Variants in ALS2 observed in about 807,000 individuals in gnomAD.
ALS2 encodes alsin.
In ALS2, 117 loss-of-function variants were observed where a neutral mutation model predicts 203.4. The observed-to-expected ratio is 0.58, with a 90% CI of 0.50 to 0.67. The LOEUF (loss-of-function observed/expected upper bound fraction) is 0.67. Among genes scored for constraint, ALS2 ranks in the 30% least tolerant of loss-of-function variants. The pLI is 0.00. For synonymous variants in ALS2, 718 were observed against 725.9 expected, an observed-to-expected ratio of 0.99 and a Z score of 0.17; for missense variants, 1,715 against 1,989.4, an observed-to-expected ratio of 0.86 and a Z score of 2.62.
intron 20 of ALS2, among the ~76,000 whole-genome samples, chr2:201,724,853 C>T (rs1691049185): frequency 6.6e-6 from 1 of 152,066 alleles, no homozygotes; most frequent in South Asian, 2.1e-4. Flanking sequence ...GTGGCTCATG[C>T]CTGTAATCCC....
Position 201,724,353 on chromosome 2 carries a change from T to C in ALS2, c.3454A>G (p.Ile1152Val), listed in dbSNP as rs778414353. ...KLTSSSPSMF[I>V]GQWVMDKKAG... ...TTCTTATCCATTACCCACTGGCCAA[T>C]GAACATACTAGGAGAAGAGGACGTC... Residue 1152 changes from isoleucine (I) to valine (V), a missense_variant, in exon 21 of 34, where the codon ATT becomes GTT. Transcript: ENST00000264276. 2 of 1,614,060 alleles carry C rather than the reference T, an allele frequency of 1.2e-6. No individual in the cohort carries two copies. The highest frequency in any genetic ancestry group is 1.7e-6 in the Non-Finnish European group (2 of 1,179,948).
chr2:201,760,653 C>A, intron 4 of ALS2: 3 of 1,322,724 alleles, frequency 2.3e-6, no homozygotes, highest in South Asian at 4.9e-5. Flanking sequence ...TAAAACAAGC[C>A]CAACATGACA....
At chr2:201,763,058 C>T (rs903672534) in intron 3 of ALS2, 10 of 167,790 alleles carry the variant, frequency 6.0e-5, no homozygotes, top group African/African-American at 1.2e-4. Context: ...CAGAAGCAGA[C>T]GCGCACTGGC....
intron 1 of ALS2, 56 bp from the exon 2 acceptor site, chr2:201,769,001 T>C (rs1380704153): frequency 2.9e-5 from 23 of 801,416 alleles, no homozygotes. Context: ...CCCTCAGACA[T>C]TAAAAAAAAA....
chr2:201,760,526 AG>A lies in ALS2; in HGVS notation c.1113+354del, dbSNP rs1693697150. ...CTGAAGAGTGTTACAAACACAAGTAAGAAGAATCTTTGTGAATCTCTAGTTA... is the reference window on the plus strand; with the variant it reads ...CTGAAGAGTGTTACAAACACAAGTAAAAGAATCTTTGTGAATCTCTAGTTA... On this transcript the variant is annotated intron_variant, in intron 4 of 33. Coordinates refer to ENST00000264276, the MANE Select transcript of ALS2 (RefSeq NM_020919.4). 4.8e-6 allele frequency: 5 copies of A among 1,039,562 alleles called. No individual in the cohort carries two copies. The South Asian group carries it at 2.1e-4, about 44-fold the overall frequency. The allele number at this position is 1,039,562 out of a possible 1,614,324, so 64.4% of individuals were successfully genotyped here.
Position 201,744,154 on chromosome 2 carries a change from C to A in ALS2, c.2170+104G>T, listed in dbSNP as rs4673207. On this transcript the variant is annotated intron_variant, in intron 10 of 33. Transcript: ENST00000264276. Reference sequence around the variant, plus strand: ...ACACACACACAAAGACAGTGCATAGCAAGAAGTAAACCATAAACTAACAGG... The same window carrying A: ...ACACACACACAAAGACAGTGCATAGAAAGAAGTAAACCATAAACTAACAGG... 0.68 allele frequency: 886,069 copies of A among 1,296,466 alleles called. 314,679 individuals carry two copies. The highest frequency in any genetic ancestry group is 0.75 in the Admixed American group (43,068 of 57,170). 80.3% of individuals were successfully genotyped at this position (1,296,466 alleles called of 1,614,324 possible).
At chr2:201,703,864 A>G (rs1689529662) in intron 33 of ALS2, among the ~76,000 whole-genome samples, 2 of 152,230 alleles carry the variant, frequency 1.3e-5, no homozygotes, top group African/African-American at 4.8e-5. Flanking sequence ...ATATAAATGT[A>G]AACATTTATA....
Position 201,766,776 on chromosome 2 carries a change from G to A in ALS2, c.175+453C>T, listed in dbSNP as rs562296209. Among the ~76,000 whole-genome samples the A allele has an allele frequency of 7.3e-5, 5 of 68,836 alleles. 1 individual carries two copies. Among genetic ancestry groups the A allele is most frequent in the African/African-American group, 1.7e-4 (5 of 28,922 alleles). 45.2% of individuals were successfully genotyped at this position (68,836 alleles called of 152,430 possible). On this transcript the variant is annotated intron_variant, in intron 3 of 33. Coordinates refer to ENST00000264276, the MANE Select transcript of ALS2 (RefSeq NM_020919.4). Reference sequence around the variant, plus strand: ...ACTATGCAGCCATAAAAAATGATGAGTTCATGTCCTTTGTAGGGACATGGA... The same window carrying A: ...ACTATGCAGCCATAAAAAATGATGAATTCATGTCCTTTGTAGGGACATGGA...
At position 201,707,744 on chromosome 2, in the gene ALS2, C is replaced by T. The variant is rs1483199571; in HGVS notation, c.4403+125G>A. On this transcript the variant is annotated intron_variant, in intron 28 of 33. Transcript: ENST00000264276. ...GTGGCTGGCCCCAACCCTCCTGGCC[C>T]CAACCATATCATTTTAGAAATGAGG... 3 of 1,346,412 alleles carry T rather than the reference C, an allele frequency of 2.2e-6. No individual in the cohort carries two copies. In the East Asian group the frequency reaches 8.0e-5, roughly 36 times the overall value. The allele number at this position is 1,346,412 out of a possible 1,614,324, so 83.4% of individuals were successfully genotyped here.
At chr2:201,715,567 A>C (rs1690322894) in intron 25 of ALS2, 105 bp downstream of exon 25, 1 of 1,386,444 alleles carries the variant, frequency 7.2e-7, no homozygotes, top group Non-Finnish European at 1.0e-6. Context: ...AAGCGAAGTA[A>C]ATCATTAACT....
intron 10 of ALS2, among the ~76,000 whole-genome samples, chr2:201,742,364 C>A (rs1308724134): frequency 6.6e-6 from 1 of 152,196 alleles, no homozygotes; most frequent in African/African-American, 2.4e-5. Flanking sequence ...GAAGGCAATC[C>A]AAACATTGGA....
chr2:201,715,524 T>C (rs1227719973), intron 25 of ALS2, 148 bp downstream of exon 25: 1 of 888,678 alleles, frequency 1.1e-6, no homozygotes, highest in South Asian at 1.6e-5. Context: ...CAACAGAAGA[T>C]AAAGAAAGTG....
At chr2:201,722,983 TAA>T in intron 23 of ALS2, 58 bp downstream of exon 23, 1 of 1,293,934 alleles carries the variant, frequency 7.7e-7, no homozygotes. Context: ...ATTTTTAAAG[TAA>T]AAAAAAATTA....
chr2:201,723,049 A>G lies in ALS2; in HGVS notation c.3696T>C (p.Ser1232=). The change falls in exon 23 of 34, where the codon AGT becomes AGC. Residue 1232 remains serine, a synonymous_variant. Coordinates refer to ENST00000264276, the MANE Select transcript of ALS2 (RefSeq NM_020919.4). The part of the protein sequence containing the change: ...EGEFSDDWTL[S]GKGTLTMPNG... ...AAGAAAGCTAGTTTCCAACCTTTCC[A>G]CTAAGAGTCCAGTCATCTGAAAATT... 3 of 1,609,374 alleles carry G rather than the reference A, an allele frequency of 1.9e-6. No individual in the cohort carries two copies. Among genetic ancestry groups the G allele is most frequent in the African/African-American group, 2.7e-5 (2 of 74,918 alleles).
chr2:201,707,334 T>C (rs1689777172), intron 28 of ALS2, among the ~76,000 whole-genome samples: 1 of 152,178 alleles, frequency 6.6e-6, no homozygotes, highest in African/African-American at 2.4e-5. Flanking sequence ...CTAAGCAGCC[T>C]TTGTGCTCAG....
At chr2:201,720,081 G>A in intron 23 of ALS2, 1 of 397,302 alleles carries the variant, frequency 2.5e-6, no homozygotes. Context: ...TCAGAAAATA[G>A]GGGAGGAGGG....
chr2:201,758,029 C>T (rs996280548), intron 4 of ALS2, among the ~76,000 whole-genome samples: 11 of 152,068 alleles, frequency 7.2e-5, no homozygotes, highest in South Asian at 2.1e-4. Flanking sequence ...AAATAAGCCT[C>T]GGCTGCTTTT....
At chr2:201,747,548 T>G (rs1692747393) in intron 8 of ALS2, among the ~76,000 whole-genome samples, 2 of 150,604 alleles carry the variant, frequency 1.3e-5, no homozygotes, top group Admixed American at 1.3e-4. Flanking sequence ...CCTCCCGGGT[T>G]CATGCCATTC....
Position 201,701,826 on chromosome 2 carries a change from T to A in ALS2, c.*25A>T, listed in dbSNP as rs1371678424. ...TGTTATAACACTCTGTAGTAGATAA[T>A]CCAGTTTTCAAGCTGTTATGCAGCC... is the stretch of plus-strand genomic sequence containing the variant. On this transcript the variant is annotated 3_prime_UTR_variant, in exon 34 of 34. Transcript: ENST00000264276. The A allele has an allele frequency of 6.2e-7, 1 of 1,611,330 alleles. No individual in the cohort carries two copies.
Sources: gnomAD v4.1 joint callset for allele counts (sites outside exome capture counted in the v4.1 genomes callset) on GRCh38, gnomAD v4.1.1 for gene constraint, MANE v1.5 for transcripts, NCBI Gene and HGNC (gene_info 2026-07-23, HGNC 2026-07-21) for gene names.